Variants in ALOX5 observed in about 807,000 individuals in gnomAD.
ALOX5 encodes the protein arachidonate 5-lipoxygenase, also known as polyunsaturated fatty acid 5-lipoxygenase.
ALOX5 carries 64 observed loss-of-function variants against 87.9 expected under a neutral mutation model. That is an observed-to-expected ratio of 0.73 (90% CI 0.60 to 0.90). ALOX5 has a LOEUF of 0.90. Among genes scored for constraint, ALOX5 ranks in the 40% least tolerant of loss-of-function variants. ALOX5 has a pLI of 0.00. For missense variants in ALOX5, 822 were observed against 907.5 expected, an observed-to-expected ratio of 0.91 and a Z score of 1.21; for synonymous variants, 388 against 355.1, an observed-to-expected ratio of 1.09 and a Z score of -1.04.
At chr10:45,417,955 T>C (rs1300193975) in intron 4 of ALOX5, among the ~76,000 whole-genome samples, 3 of 151,736 alleles carry the variant, frequency 2.0e-5, no homozygotes, top group Non-Finnish European at 4.4e-5. Flanking sequence ...CCGCCCACCC[T>C]GCCCTTGGCC....
intron 4 of ALOX5, among the ~76,000 whole-genome samples, chr10:45,417,978 C>CA (rs1455338588): frequency 6.6e-6 from 1 of 152,222 alleles, no homozygotes; most frequent in Non-Finnish European, 1.5e-5. Flanking sequence ...AGAAGTGCTG[C>CA]AGCCCACGTT....
At chr10:45,417,037 CTG>C (rs1301869219) in intron 4 of ALOX5, among the ~76,000 whole-genome samples, 1 of 152,092 alleles carries the variant, frequency 6.6e-6, no homozygotes, top group African/African-American at 2.4e-5. Context: ...ATTGTCATCT[CTG>C]TATCTCAGGA....
chr10:45,388,327 G>A (rs1588987314), intron 2 of ALOX5, among the ~76,000 whole-genome samples: 2 of 115,258 alleles, frequency 1.7e-5, no homozygotes, highest in Middle Eastern at 4.3e-3. Context: ...CTGTCTGACA[G>A]CTTTGAAGTG....
intron 13 of ALOX5, chr10:45,444,636 A>C: frequency 3.4e-6 from 1 of 292,018 alleles, no homozygotes; most frequent in Non-Finnish European, 6.3e-6. Flanking sequence ...TTCCTTCCGG[A>C]CACGTGCATC....
intron 2 of ALOX5, among the ~76,000 whole-genome samples, chr10:45,392,858 A>T (rs1361360220): frequency 6.6e-6 from 1 of 152,228 alleles, no homozygotes; most frequent in Non-Finnish European, 1.5e-5. Context: ...TCTAGAAAAA[A>T]TGGATAAATT....
intron 7 of ALOX5, among the ~76,000 whole-genome samples, chr10:45,437,746 T>A (rs1468786947): frequency 6.6e-6 from 1 of 152,254 alleles, no homozygotes; most frequent in African/African-American, 2.4e-5. Flanking sequence ...AGTTTTAAGT[T>A]ATTAGCCAGT....
chr10:45,402,034 C>T (rs975324459), intron 3 of ALOX5, among the ~76,000 whole-genome samples: 1 of 141,700 alleles, frequency 7.1e-6, no homozygotes, highest in Admixed American at 7.7e-5. Context: ...TTGCAGTGAG[C>T]CGAGATTGCA....
At chr10:45,391,327 G>A (rs934350858) in intron 2 of ALOX5, among the ~76,000 whole-genome samples, 17 of 152,306 alleles carry the variant, frequency 1.1e-4, no homozygotes, top group South Asian at 4.1e-4. Context: ...GCTCCTAACC[G>A]CGAGTGATCC....
chr10:45,440,732 G>A, intron 8 of ALOX5, 99 bp downstream of exon 8: 1 of 1,356,568 alleles, frequency 7.4e-7, no homozygotes, highest in Non-Finnish European at 1.0e-6. Context: ...GGCTGGGAGT[G>A]GGTGGCAGAA....
At chr10:45,422,290 T>G (rs1239462163) in intron 4 of ALOX5, among the ~76,000 whole-genome samples, 1 of 152,122 alleles carries the variant, frequency 6.6e-6, no homozygotes, top group Non-Finnish European at 1.5e-5. Context: ...GCCTCCATCC[T>G]CTCATTCTGC....
chr10:45,416,230 C>G (rs1841286696), intron 4 of ALOX5, among the ~76,000 whole-genome samples: 1 of 152,138 alleles, frequency 6.6e-6, no homozygotes, highest in African/African-American at 2.4e-5. Flanking sequence ...GGTGAGGAAA[C>G]TGAGTCTCCA....
rs114980075 is a variant in ALOX5, at chr10:45,376,695, C to T, written c.150+2266C>T. 4.8e-3 allele frequency among the ~76,000 whole-genome samples: 732 copies of T among 152,238 alleles called. 5 individuals are homozygous for T. Among genetic ancestry groups the T allele is most frequent in the African/African-American group, 0.017 (706 of 41,528 alleles). ...TTCCAAGTTATTGGCAGGTCAACAC[C>T]CCCCTCCTCCAGGGCATAGTTCAGT... On this transcript the variant is annotated intron_variant, in intron 1 of 13. Transcript: ENST00000374391.
intron 6 of ALOX5, among the ~76,000 whole-genome samples, chr10:45,426,627 T>G (rs1841714671): frequency 6.6e-6 from 1 of 152,254 alleles, no homozygotes; most frequent in Non-Finnish European, 1.5e-5. Flanking sequence ...GTTCTTAGAC[T>G]TTATATTTGG....
intron 3 of ALOX5, among the ~76,000 whole-genome samples, chr10:45,402,124 C>T (rs998012192): frequency 2.0e-5 from 3 of 151,218 alleles, no homozygotes; most frequent in African/African-American, 4.9e-5. Flanking sequence ...CCAGTTTTCA[C>T]GAGCCATGTA....
At chr10:45,384,367 A>G (rs149489405) in intron 2 of ALOX5, among the ~76,000 whole-genome samples, 1 of 152,290 alleles carries the variant, frequency 6.6e-6, no homozygotes, top group Non-Finnish European at 1.5e-5. Context: ...CATTCTCTCT[A>G]CTGCTGTAAA....
At position 45,443,127 on chromosome 10, in the gene ALOX5, C is replaced by T. The variant is rs774093518; in HGVS notation, c.1362C>T (p.Ala454=). Residue 454 remains alanine, a synonymous_variant, in exon 10 of 14, where the codon GCC becomes GCT. Transcript: ENST00000374391. ...LTYASLCFPE[A]IKARGMESKE... ...ATGCCTCCCTGTGCTTTCCCGAGGC[C>T]ATCAAGGCCCGGGGCATGGAGAGCA... 12 of 1,613,872 alleles carry T rather than the reference C, an allele frequency of 7.4e-6. No individual in the cohort carries two copies. Among genetic ancestry groups the T allele is most frequent in the Non-Finnish European group, 1.0e-5 (12 of 1,179,998 alleles).
At chr10:45,382,878 G>A (rs192621006) in intron 2 of ALOX5, among the ~76,000 whole-genome samples, 197 bp downstream of exon 2, 11 of 152,348 alleles carry the variant, frequency 7.2e-5, no homozygotes, top group Admixed American at 2.0e-4. Flanking sequence ...AGGGTGGAGC[G>A]GGTGGCCCCA....
intron 2 of ALOX5, among the ~76,000 whole-genome samples, chr10:45,389,412 T>A (rs1840124056): frequency 1.3e-5 from 2 of 151,124 alleles, no homozygotes; most frequent in African/African-American, 2.4e-5. Flanking sequence ...AAAGTTGAAA[T>A]GAAGGAAAAG....
chr10:45,388,130 G>A (rs1840067669), intron 2 of ALOX5, among the ~76,000 whole-genome samples: 1 of 152,216 alleles, frequency 6.6e-6, no homozygotes, highest in African/African-American at 2.4e-5. Flanking sequence ...AGCATACCAG[G>A]AGATTATATC....
Sources: allele counts gnomAD v4.1 joint callset (sites outside exome capture counted in the v4.1 genomes callset), GRCh38; gene constraint gnomAD v4.1.1; transcripts MANE v1.5; gene names NCBI Gene and HGNC (gene_info 2026-07-23, HGNC 2026-07-21).